PTPRG: variants seen among roughly 807,000 people sequenced by gnomAD.
PTPRG encodes the protein protein tyrosine phosphatase receptor type G.
PTPRG carries 102 observed loss-of-function variants against 165.3 expected under a neutral mutation model. The observed-to-expected ratio is 0.62, with a 90% CI of 0.53 to 0.73. PTPRG has a LOEUF of 0.73. PTPRG is among the 30% of genes least tolerant of loss of function. PTPRG has a pLI of 0.00. For missense variants in PTPRG, 1,866 were observed against 1,861.4 expected, an observed-to-expected ratio of 1.00 and a Z score of -0.05; for synonymous variants, 675 against 669.5, an observed-to-expected ratio of 1.01 and a Z score of -0.13.
chr3:61,985,479 A>G (rs62245380), intron 2 of PTPRG, among the ~76,000 whole-genome samples: 7 of 152,220 alleles, frequency 4.6e-5, no homozygotes, highest in Non-Finnish European at 8.8e-5. Flanking sequence ...TTAGTGTTTG[A>G]TAATGCTCTA....
intron 5 of PTPRG, among the ~76,000 whole-genome samples, chr3:62,120,666 G>A (rs1211873593): frequency 2.0e-5 from 3 of 151,490 alleles, no homozygotes; most frequent in African/African-American, 7.3e-5. Context: ...CAGGAGAATC[G>A]CTTGAACCCA....
chr3:62,016,912 C>G (rs773988499), intron 4 of PTPRG, among the ~76,000 whole-genome samples: 4 of 152,210 alleles, frequency 2.6e-5, no homozygotes, highest in Admixed American at 2.6e-4. Flanking sequence ...CTCTCCTCTT[C>G]CAAAGTAAGT....
intron 4 of PTPRG, among the ~76,000 whole-genome samples, chr3:62,032,245 T>C (rs976324538): frequency 3.9e-5 from 6 of 152,128 alleles, no homozygotes; most frequent in Admixed American, 1.3e-4. Context: ...TTGAGAAATA[T>C]AGGATTAGTC....
rs1167832061 is a variant in PTPRG at position 62,233,898 on chromosome 3, T to C, written c.2375+2587T>C. On this transcript the variant is annotated intron_variant, in intron 14 of 29. Transcript: ENST00000474889. The surrounding 1 kb of genome is among the most constrained non-coding windows in gnomAD (Gnocchi z 4.7). The stretch of plus-strand genomic sequence containing the variant: ...AGTTTTGAGTAAGTAATACTTGACA[T>C]GATTCAAAATAAAAAAGTTTAAAAT... 6.6e-6 allele frequency among the ~76,000 whole-genome samples: 1 copy of C among 152,188 alleles called. No homozygotes were observed. Among genetic ancestry groups the C allele is most frequent in the Admixed American group, 6.6e-5 (1 of 15,262 alleles).
chr3:62,103,646 G>C (rs1461196914), intron 5 of PTPRG, among the ~76,000 whole-genome samples: 1 of 152,136 alleles, frequency 6.6e-6, no homozygotes, highest in Non-Finnish European at 1.5e-5. Flanking sequence ...ATGTCATTTT[G>C]TGACAGTTGG....
chr3:62,118,377 T>C (rs552143517), intron 5 of PTPRG: 1 of 152,356 alleles, frequency 6.6e-6, no homozygotes, highest in East Asian at 1.9e-4. Context: ...GGTCATAGTG[T>C]GCTGGCCCTT....
Position 62,233,065 on chromosome 3 carries a change from G to C in PTPRG, c.2375+1754G>C, listed in dbSNP as rs1380485543. ...GGGGGTAGTATATGTAAAATGCTTA[G>C]TGTGTGAAATATATTAACCCATTGA... is the stretch of plus-strand genomic sequence containing the variant. On this transcript the variant is annotated intron_variant, in intron 14 of 29. Coordinates refer to ENST00000474889, the MANE Select transcript of PTPRG (RefSeq NM_002841.4). The surrounding 1 kb of genome is among the most constrained non-coding windows in gnomAD (Gnocchi z 4.7). Among the ~76,000 whole-genome samples, 1 of 152,150 alleles carries C rather than the reference G, an allele frequency of 6.6e-6. No homozygotes were observed. The highest frequency in any genetic ancestry group is 1.5e-5 in the Non-Finnish European group (1 of 68,042).
At chr3:62,193,976 G>A (rs921364356) in intron 9 of PTPRG, among the ~76,000 whole-genome samples, 4 of 152,288 alleles carry the variant, frequency 2.6e-5, no homozygotes, top group East Asian at 1.9e-4. Context: ...CCATTTTCTC[G>A]TTTTTAAAGG....
chr3:62,201,623 C>T (rs1372327107), intron 11 of PTPRG, 69 bp downstream of exon 11: 13 of 1,457,450 alleles, frequency 8.9e-6, no homozygotes, highest in Non-Finnish European at 1.2e-5. Context: ...AAACTGTCAC[C>T]ACGAAGTGGC....
intron 4 of PTPRG, among the ~76,000 whole-genome samples, chr3:62,042,863 C>A (rs1207505395): frequency 2.0e-5 from 3 of 152,124 alleles, no homozygotes; most frequent in African/African-American, 2.4e-5. Context: ...GAATTCATGT[C>A]ATGTTTGTGT....
At chr3:62,054,446 G>A (rs1012362022) in intron 4 of PTPRG, among the ~76,000 whole-genome samples, 2 of 152,170 alleles carry the variant, frequency 1.3e-5, no homozygotes, top group Admixed American at 6.5e-5. Flanking sequence ...ATTTGTCTGA[G>A]TAGCTTGCTG....
chr3:61,803,310 G>A (rs751208042), intron 2 of PTPRG, among the ~76,000 whole-genome samples: 3 of 151,978 alleles, frequency 2.0e-5, no homozygotes, highest in Non-Finnish European at 4.4e-5. Flanking sequence ...ACCTGCAATC[G>A]ATAAAAAAAA....
intron 8 of PTPRG, among the ~76,000 whole-genome samples, chr3:62,183,675 G>A (rs980440048): frequency 6.6e-6 from 1 of 152,116 alleles, no homozygotes; most frequent in Non-Finnish European, 1.5e-5. Context: ...AGGACCATGA[G>A]CTCCCTATGC....
chr3:62,171,209 C>T (rs184350811), intron 8 of PTPRG, among the ~76,000 whole-genome samples: 6 of 152,228 alleles, frequency 3.9e-5, no homozygotes, highest in East Asian at 3.9e-4. Context: ...TGGGTGATTA[C>T]GAAAACTCTT....
intron 2 of PTPRG, among the ~76,000 whole-genome samples, chr3:61,898,719 C>T (rs879942559): frequency 2.0e-5 from 3 of 152,080 alleles, no homozygotes; most frequent in Non-Finnish European, 2.9e-5. Flanking sequence ...ATGGAAAGAA[C>T]CTTCTTTTGA....
intron 2 of PTPRG, among the ~76,000 whole-genome samples, chr3:61,982,411 G>A (rs572674820): frequency 1.3e-5 from 2 of 152,196 alleles, no homozygotes; most frequent in Admixed American, 6.5e-5. Context: ...GTTTGGATGT[G>A]GGGTGGATTC....
chr3:62,079,623 G>T (rs1701498725), intron 5 of PTPRG, among the ~76,000 whole-genome samples: 2 of 152,156 alleles, frequency 1.3e-5, no homozygotes, highest in African/African-American at 4.8e-5. Context: ...GTCTGTTTAT[G>T]CTATGTATTG....
At chr3:61,607,673 T>C (rs1334654997) in intron 1 of PTPRG, among the ~76,000 whole-genome samples, 1 of 152,214 alleles carries the variant, frequency 6.6e-6, no homozygotes, top group Non-Finnish European at 1.5e-5. Flanking sequence ...AGTGACATTC[T>C]CTGTGGAGAG....
chr3:62,112,068 C>G (rs911067580), intron 5 of PTPRG, among the ~76,000 whole-genome samples: 1 of 151,958 alleles, frequency 6.6e-6, no homozygotes, highest in African/African-American at 2.4e-5. Flanking sequence ...CACCATGGCC[C>G]CAGGTTGAAG....
Sources: allele counts gnomAD v4.1 joint callset (sites outside exome capture counted in the v4.1 genomes callset), GRCh38; gene constraint gnomAD v4.1.1; non-coding constraint Gnocchi (gnomAD v3.1); transcripts MANE v1.5; gene names NCBI Gene and HGNC (gene_info 2026-07-23, HGNC 2026-07-21).